The following SRCIN1 variants were observed in gnomAD, a reference collection of about 807,000 sequenced individuals.
SRCIN1 encodes P130Cas-associated protein.
In SRCIN1, 50 loss-of-function variants were observed where a neutral mutation model predicts 116.2. The ratio of observed to expected loss-of-function variants is 0.43; its 90% confidence interval spans 0.34 to 0.54. The LOEUF (loss-of-function observed/expected upper bound fraction) is 0.54. SRCIN1 is among the 20% of genes least tolerant of loss of function. SRCIN1 has a pLI of 0.02. For missense variants in SRCIN1, 1,446 were observed against 1,672.0 expected (o/e 0.86, Z 2.36); for synonymous variants, 736 against 750.0 (o/e 0.98, Z 0.30).
At chr17:38,581,442 A>C (rs1907805891) in intron 1 of SRCIN1, among the ~76,000 whole-genome samples, 1 of 150,394 alleles carries the variant, frequency 6.6e-6, no homozygotes, top group African/African-American at 2.4e-5. Flanking sequence ...AGAAAAAAAA[A>C]AGTGTGAGCC....
At chr17:38,586,676 G>A (rs906208328) in intron 1 of SRCIN1, among the ~76,000 whole-genome samples, 24 of 152,254 alleles carry the variant, frequency 1.6e-4, no homozygotes, top group African/African-American at 5.8e-4. Context: ...GATGGGGGAT[G>A]ATGGAGCCCT....
intron 1 of SRCIN1, among the ~76,000 whole-genome samples, chr17:38,579,600 T>C (rs1194493654): frequency 3.3e-5 from 5 of 152,098 alleles, no homozygotes; most frequent in Non-Finnish European, 7.4e-5. Context: ...TCCCCTCCCT[T>C]CTTCAGTCTC....
intron 17 of SRCIN1, among the ~76,000 whole-genome samples, chr17:38,546,941 C>G (rs1905111906): frequency 6.6e-6 from 1 of 152,086 alleles, no homozygotes; most frequent in Non-Finnish European, 1.5e-5. Flanking sequence ...CCTGACCTGG[C>G]AGAGAGAGAG....
chr17:38,582,978 G>C (rs2143348998), intron 1 of SRCIN1, among the ~76,000 whole-genome samples: 1 of 152,320 alleles, frequency 6.6e-6, no homozygotes, highest in East Asian at 1.9e-4. Context: ...TCCTTCAGCA[G>C]GCCAGGCACT....
At chr17:38,543,548 G>A (rs752343160) in intron 18 of SRCIN1, among the ~76,000 whole-genome samples, 1 of 152,216 alleles carries the variant, frequency 6.6e-6, no homozygotes, top group African/African-American at 2.4e-5. Context: ...AGTGGCAGCT[G>A]GAGAGTCTTC....
intron 15 of SRCIN1, among the ~76,000 whole-genome samples, chr17:38,550,142 T>C (rs375459912): frequency 1.3e-5 from 2 of 152,262 alleles, no homozygotes; most frequent in South Asian, 2.1e-4. Flanking sequence ...TTTGAGCCTA[T>C]GTCCTTCTCT....
Position 38,544,856 on chromosome 17 carries a change from A to T in SRCIN1, c.3271-887T>A, listed in dbSNP as rs1904981514. On this transcript the variant is annotated intron_variant, in intron 17 of 18. Coordinates refer to ENST00000617146, the MANE Select transcript of SRCIN1 (RefSeq NM_025248.3). This position sits in a 1 kb window ranked among gnomAD's most constrained non-coding sequence, Gnocchi z 4.5. ...TGGAGGAGGAAGGCAGCAGAGGAGGATGAAAAGCGGGCAGCCACCTGGGGG... is the reference window on the plus strand; with the variant it reads ...TGGAGGAGGAAGGCAGCAGAGGAGGTTGAAAAGCGGGCAGCCACCTGGGGG... 1 of 139,300 alleles carries T rather than the reference A, an allele frequency of 7.2e-6. No individual in the cohort carries two copies. Among genetic ancestry groups the T allele is most frequent in the Non-Finnish European group, 1.5e-5 (1 of 64,640 alleles). 8.6% of individuals were successfully genotyped at this position (139,300 alleles called of 1,614,324 possible).
chr17:38,551,218 G>A lies in SRCIN1; in HGVS notation c.2899C>T (p.Pro967Ser), dbSNP rs1473467688. ...GCCTTCTGGCCGTGGGGGGCCTTGG[G>A]GGGCTTGTGATCTGGAGTGGGGGCC... ...GPAPTPDHKPPKAPHGQKAAP... is the reference protein window; with the variant it reads ...GPAPTPDHKPSKAPHGQKAAP... Residue 967 changes from proline to serine, a missense_variant, in exon 15 of 19, where the codon CCC becomes TCC. Transcript: ENST00000617146. 1 of 1,607,370 alleles carries A rather than the reference G, an allele frequency of 6.2e-7. No homozygotes were observed. Among genetic ancestry groups the A allele is most frequent in the Non-Finnish European group, 8.5e-7 (1 of 1,177,070 alleles).
At position 38,563,636 on chromosome 17, in the gene SRCIN1, T is replaced by C; in HGVS notation, c.542-115A>G. 2.2e-6 allele frequency: 3 copies of C among 1,393,826 alleles called. No homozygotes were observed. The highest frequency in any genetic ancestry group is 1.8e-4 in the Middle Eastern group (1 of 5,652). 86.3% of individuals were successfully genotyped at this position (1,393,826 alleles called of 1,614,324 possible). On this transcript the variant is annotated intron_variant, in intron 4 of 18. Coordinates refer to ENST00000617146, the MANE Select transcript of SRCIN1 (RefSeq NM_025248.3). This position sits in a 1 kb window ranked among gnomAD's most constrained non-coding sequence, Gnocchi z 5.8. ...GCCCCGCAGCGGCAGGGTCTGAGGC[T>C]AGACGCCGCCCCCGAGTGCAGATGC...
chr17:38,561,335 T>C (rs1906223773), intron 7 of SRCIN1, 128 bp downstream of exon 7: 4 of 1,160,124 alleles, frequency 3.4e-6, no homozygotes, highest in Non-Finnish European at 4.5e-6. Context: ...CCTTCAAGAC[T>C]ACTCAAGGTC....
Position 38,605,805 on chromosome 17 carries a change from C to T in SRCIN1, c.-100G>A. On this transcript the variant is annotated 5_prime_UTR_variant, in exon 1 of 19. Coordinates refer to ENST00000617146, the MANE Select transcript of SRCIN1 (RefSeq NM_025248.3). The stretch of plus-strand genomic sequence containing the variant: ...CTCGCTCGGCCCCAGCCCCGGGGCG[C>T]GGTGCCAGGCGGGCGGGCCGGGGGC... 5.1e-6 allele frequency: 2 copies of T among 395,788 alleles called. No homozygotes were observed. The highest frequency in any genetic ancestry group is 7.0e-6 in the Non-Finnish European group (2 of 286,484). 24.5% of individuals were successfully genotyped at this position (395,788 alleles called of 1,614,324 possible). A position where few individuals can be genotyped will look rare whatever the true frequency, so the allele number is the denominator to read the frequency against.
At chr17:38,540,933 T>G (rs1000377717) in intron 18 of SRCIN1, among the ~76,000 whole-genome samples, 1 of 152,130 alleles carries the variant, frequency 6.6e-6, no homozygotes, top group African/African-American at 2.4e-5. Context: ...TCTCTATACT[T>G]TACTGTTGAA....
Position 38,533,095 on chromosome 17 carries a change from T to TAAAAAA in SRCIN1, c.*196_*201dup, listed in dbSNP as rs79154508. On this transcript the variant is annotated 3_prime_UTR_variant, in exon 19 of 19. Coordinates refer to ENST00000617146, the MANE Select transcript of SRCIN1 (RefSeq NM_025248.3). The stretch of plus-strand genomic sequence containing the variant: ...AAAAAGATAATTAAAAGTTAATTGT[T>TAAAAAA]AAAAAAAAAAAAAAAAACAAAACCA... 24 of 260,604 alleles carry TAAAAAA rather than the reference T, an allele frequency of 9.2e-5. No individual in the cohort carries two copies. The highest frequency in any genetic ancestry group is 3.7e-4 in the South Asian group (2 of 5,398). 16.1% of individuals were successfully genotyped at this position (260,604 alleles called of 1,614,324 possible).
intron 2 of SRCIN1, among the ~76,000 whole-genome samples, chr17:38,577,272 C>G (rs1010305718): frequency 6.6e-6 from 1 of 152,172 alleles, no homozygotes; most frequent in Non-Finnish European, 1.5e-5. Context: ...TCTCCTCAAG[C>G]CAGTGCACAC....
Position 38,552,975 on chromosome 17 carries a change from C to A in SRCIN1, c.2202-120G>T. ...TTGGATCGAAAGTAAAAGCAGGAGG[C>A]TGGGCACCGTGGCTCACGCCCGTAA... On this transcript the variant is annotated intron_variant, in intron 11 of 18. Coordinates refer to ENST00000617146, the MANE Select transcript of SRCIN1 (RefSeq NM_025248.3). This position sits in a 1 kb window ranked among gnomAD's most constrained non-coding sequence, Gnocchi z 5.3. 1 of 1,473,354 alleles carries A rather than the reference C, an allele frequency of 6.8e-7. No individual in the cohort carries two copies. The highest frequency in any genetic ancestry group is 1.3e-5 in the South Asian group (1 of 74,450). 91.3% of individuals were successfully genotyped at this position (1,473,354 alleles called of 1,614,324 possible). A position where few individuals can be genotyped will look rare whatever the true frequency, so the allele number is the denominator to read the frequency against.
rs570216213 is a variant in SRCIN1 at position 38,605,903 on chromosome 17, G to C, written c.-198C>G. ...CGTGTGGGTGAGCGCGCGCGCGGGC[G>C]TGTCACCGAGTGTGCGAGAGCGAGT... On this transcript the variant is annotated 5_prime_UTR_variant, in exon 1 of 19. Transcript: ENST00000617146. The C allele has an allele frequency of 6.9e-6, 1 of 145,512 alleles. No homozygotes were observed. Among genetic ancestry groups the C allele is most frequent in the Non-Finnish European group, 1.5e-5 (1 of 65,510 alleles). The allele number at this position is 145,512 out of a possible 1,614,324, so 9.0% of individuals were successfully genotyped here. A position where few individuals can be genotyped will look rare whatever the true frequency, so the allele number is the denominator to read the frequency against.
Position 38,568,942 on chromosome 17 carries a change from G to C in SRCIN1, c.325-711C>G, listed in dbSNP as rs1906896135. On this transcript the variant is annotated intron_variant, in intron 2 of 18. Transcript: ENST00000617146. This position sits in a 1 kb window ranked among gnomAD's most constrained non-coding sequence, Gnocchi z 4.5. ...CAGGATGGATGGGGCAGGGGTCGGA[G>C]GAGGGGGGCTGGGGCCCAAGGCCAA... 1.3e-5 allele frequency among the ~76,000 whole-genome samples: 2 copies of C among 151,994 alleles called. No homozygotes were observed. Among genetic ancestry groups the C allele is most frequent in the South Asian group, 4.1e-4 (2 of 4,822 alleles).
Position 38,564,365 on chromosome 17 carries a change from C to CA in SRCIN1, c.346-53_346-52insT, listed in dbSNP as rs1013750915. ...AACCAAGGATGAGCACCCCCCCTCC[C>CA]CTTTGCTTGTCACTGCCCATATCCA... is the stretch of plus-strand genomic sequence containing the variant. On this transcript the variant is annotated intron_variant, in intron 3 of 18. Transcript: ENST00000617146. 2.9e-4 allele frequency: 414 copies of CA among 1,445,352 alleles called. 1 individual carries two copies. In the African/African-American group the frequency reaches 4.5e-3, roughly 16 times the overall value. The allele number at this position is 1,445,352 out of a possible 1,614,324, so 89.5% of individuals were successfully genotyped here.
In SRCIN1 at chr17:38,563,920, G is replaced by A; in HGVS notation, c.541+198C>T. Reference sequence around the variant, plus strand: ...GCAAGAGGGAGAGAGGAGGCTTGGAGGGAAAGGGGTCGGGTGGGGATGCTG... The same window carrying A: ...GCAAGAGGGAGAGAGGAGGCTTGGAAGGAAAGGGGTCGGGTGGGGATGCTG... On this transcript the variant is annotated intron_variant, in intron 4 of 18. Transcript: ENST00000617146. This position sits in a 1 kb window ranked among gnomAD's most constrained non-coding sequence, Gnocchi z 5.8. 4.7e-6 allele frequency: 3 copies of A among 637,158 alleles called. No individual in the cohort carries two copies. The East Asian group carries it at 8.2e-5, about 17-fold the overall frequency. The allele number at this position is 637,158 out of a possible 1,614,324, so 39.5% of individuals were successfully genotyped here.
Sources: gnomAD v4.1 joint callset for allele counts (sites outside exome capture counted in the v4.1 genomes callset) on GRCh38, gnomAD v4.1.1 for gene constraint, Gnocchi (gnomAD v3.1) non-coding constraint, MANE v1.5 for transcripts, NCBI Gene and HGNC (gene_info 2026-07-23, HGNC 2026-07-21) for gene names.